The following FHIT variants were observed in gnomAD, a reference collection of about 807,000 sequenced individuals.
The protein encoded by FHIT is fragile histidine triad diadenosine triphosphatase.
FHIT carries 19 observed loss-of-function variants against 17.9 expected under a neutral mutation model. The ratio of observed to expected loss-of-function variants is 1.06; its 90% CI spans 0.74 to 1.56. The LOEUF is 1.56. Among genes scored for constraint, FHIT ranks in the 40% most tolerant of loss-of-function variants. FHIT has a pLI of 0.00. For synonymous variants in FHIT, 81 were observed against 69.7 expected (o/e 1.16, Z -0.81); for missense variants, 248 against 189.2 (o/e 1.31, Z -1.82).
At chr3:60,813,840 CTCT>C (rs1452477801) in intron 4 of FHIT, among the ~76,000 whole-genome samples, 1 of 152,150 alleles carries the variant, frequency 6.6e-6, no homozygotes, top group Non-Finnish European at 1.5e-5. Flanking sequence ...TTATGACACA[CTCT>C]TCTTCTTTAT....
chr3:60,353,305 C>A (rs1039477616), intron 5 of FHIT, among the ~76,000 whole-genome samples: 5 of 152,064 alleles, frequency 3.3e-5, no homozygotes, highest in Admixed American at 1.3e-4. Context: ...GTAAGATGCC[C>A]AGGCCTGGTT....
At chr3:60,540,686 T>C (rs2107606192) in intron 4 of FHIT, among the ~76,000 whole-genome samples, 1 of 152,262 alleles carries the variant, frequency 6.6e-6, no homozygotes, top group Non-Finnish European at 1.5e-5. Flanking sequence ...ATATAGCACA[T>C]GAATAATGCA....
chr3:59,807,767 G>C (rs1478686924), intron 8 of FHIT, among the ~76,000 whole-genome samples: 1 of 152,136 alleles, frequency 6.6e-6, no homozygotes, highest in Non-Finnish European at 1.5e-5. Context: ...TGGAGATATG[G>C]GGTGGGGGTG....
intron 5 of FHIT, among the ~76,000 whole-genome samples, chr3:60,072,446 G>C (rs79423828): frequency 2.5e-4 from 32 of 129,188 alleles, no homozygotes; most frequent in Non-Finnish European, 4.0e-4. Context: ...ACAAAACATC[G>C]TCAACAACAA....
At chr3:61,110,467 T>G (rs1176585507) in intron 2 of FHIT, among the ~76,000 whole-genome samples, 1 of 152,192 alleles carries the variant, frequency 6.6e-6, no homozygotes, top group African/African-American at 2.4e-5. Context: ...CTTACCTTGT[T>G]TGATAATTCC....
intron 3 of FHIT, among the ~76,000 whole-genome samples, chr3:61,018,250 T>G (rs1008210370): frequency 6.6e-6 from 1 of 152,180 alleles, no homozygotes; most frequent in African/African-American, 2.4e-5. Flanking sequence ...CCTTAATCAA[T>G]GCAACACTAA....
At position 60,119,352 on chromosome 3, in the gene FHIT, C is replaced by T. The variant is rs972724219; in HGVS notation, c.104-105200G>A. ...CCTCCCAAAGTGCTGGGATTACAGG[C>T]ATAAGCCATCATGCCCAGCCTATAT... is the stretch of plus-strand genomic sequence containing the variant. On this transcript the variant is annotated intron_variant, in intron 5 of 9. Transcript: ENST00000492590. Among the ~76,000 whole-genome samples, 3 of 151,902 alleles carry T rather than the reference C, an allele frequency of 2.0e-5. No individual in the cohort carries two copies. In the East Asian group the frequency reaches 5.9e-4, roughly 30 times the overall value.
intron 4 of FHIT, among the ~76,000 whole-genome samples, chr3:60,668,554 C>CTTTTTTT (rs71092627): frequency 3.6e-5 from 2 of 54,822 alleles, no homozygotes; most frequent in African/African-American, 1.5e-4. Flanking sequence ...CCAGCTCATT[C>CTTTTTTT]TTTTTTTTTT....
chr3:60,539,147 T>G (rs577182447), intron 4 of FHIT, among the ~76,000 whole-genome samples: 1 of 152,170 alleles, frequency 6.6e-6, no homozygotes, highest in Admixed American at 6.5e-5. Flanking sequence ...GAACAGACAG[T>G]TCTCAAAAGA....
intron 5 of FHIT, among the ~76,000 whole-genome samples, chr3:60,272,109 T>C (rs1054794255): frequency 1.3e-5 from 2 of 152,220 alleles, no homozygotes; most frequent in Non-Finnish European, 2.9e-5. Flanking sequence ...ATTCTAGTCC[T>C]CTCATGAAGG....
At chr3:60,859,471 G>A (rs1183109409) in intron 3 of FHIT, among the ~76,000 whole-genome samples, 1 of 152,044 alleles carries the variant, frequency 6.6e-6, no homozygotes, top group Non-Finnish European at 1.5e-5. Context: ...CCAAGCTTCA[G>A]TGGAGTTACG....
intron 5 of FHIT, among the ~76,000 whole-genome samples, chr3:60,326,679 C>T (rs147545936): frequency 7.9e-5 from 12 of 152,192 alleles, no homozygotes; most frequent in South Asian, 2.1e-4. Flanking sequence ...TTACTGTGTA[C>T]GATATTTAAA....
chr3:59,932,899 A>AT (rs912738832), intron 7 of FHIT, among the ~76,000 whole-genome samples: 5 of 152,056 alleles, frequency 3.3e-5, no homozygotes, highest in African/African-American at 1.2e-4. Context: ...CCTATCTCTA[A>AT]TTTTTTGCTC....
chr3:59,865,425 G>A (rs1395999285), intron 8 of FHIT, among the ~76,000 whole-genome samples: 4 of 152,252 alleles, frequency 2.6e-5, no homozygotes, highest in African/African-American at 7.2e-5. Context: ...CCTTGTCAGT[G>A]TTAATCCTAA....
At chr3:60,031,111 T>C (rs7641720) in intron 5 of FHIT, among the ~76,000 whole-genome samples, 1,695 of 152,304 alleles carry the variant, frequency 0.011, 31 homozygotes, top group African/African-American at 0.034. Context: ...GAAATTTTTG[T>C]AGAGAATAAG....
At chr3:59,909,981 T>A (rs1559721467) in intron 8 of FHIT, among the ~76,000 whole-genome samples, 1 of 152,126 alleles carries the variant, frequency 6.6e-6, no homozygotes, top group Non-Finnish European at 1.5e-5. Flanking sequence ...CCATTCTCCA[T>A]TTATATGCCA....
At chr3:61,029,556 A>C (rs909456843) in intron 3 of FHIT, among the ~76,000 whole-genome samples, 1 of 152,206 alleles carries the variant, frequency 6.6e-6, no homozygotes, top group Non-Finnish European at 1.5e-5. Flanking sequence ...ACCTGAAAAA[A>C]ATGGACTGCA....
At chr3:60,430,791 A>C (rs1702859782) in intron 5 of FHIT, among the ~76,000 whole-genome samples, 1 of 152,082 alleles carries the variant, frequency 6.6e-6, no homozygotes, top group Non-Finnish European at 1.5e-5. Context: ...CTACTAATTA[A>C]AGATCTCTTT....
intron 3 of FHIT, among the ~76,000 whole-genome samples, chr3:60,850,791 T>C (rs528906734): frequency 1.3e-5 from 2 of 152,270 alleles, no homozygotes; most frequent in Admixed American, 6.5e-5. Flanking sequence ...CTTTATCTTA[T>C]AAATTTCTTT....
Sources: gnomAD v4.1 joint callset for allele counts (sites outside exome capture counted in the v4.1 genomes callset) on GRCh38, gnomAD v4.1.1 for gene constraint, MANE v1.5 for transcripts, NCBI Gene and HGNC (gene_info 2026-07-23, HGNC 2026-07-21) for gene names.